The following FAM174B variants were observed in gnomAD, a reference collection of about 807,000 sequenced individuals.
FAM174B encodes family with sequence similarity 174 member B, also known as membrane protein FAM174B.
In FAM174B, 12 loss-of-function variants were observed where a neutral mutation model predicts 10.9. That is an observed-to-expected ratio of 1.10 (90% confidence interval 0.71 to 1.79). The LOEUF (loss-of-function observed/expected upper bound fraction) is 1.79, where lower values mean the gene tolerates loss of function less well. FAM174B is among the 40% of genes most tolerant of loss of function. The pLI, the probability that FAM174B is intolerant of heterozygous loss-of-function variation, is 0.00. For synonymous variants in FAM174B, 132 were observed against 115.8 expected (o/e 1.14, Z -0.90); for missense variants, 266 against 233.3 (o/e 1.14, Z -0.91).
chr15:92,618,571 G>T lies in FAM174B; in HGVS notation c.*885C>A, dbSNP rs1255840595. ...CCAAATCACCGTTCATTTTTAAAAT[G>T]GTTTTTAAAAATTACATTTCTAAGG... On this transcript the variant is annotated 3_prime_UTR_variant, in exon 3 of 3. Coordinates refer to ENST00000327355, the MANE Select transcript of FAM174B (RefSeq NM_207446.3). The T allele has an allele frequency of 6.5e-6, 1 of 152,678 alleles. No individual in the cohort carries two copies. The highest frequency in any genetic ancestry group is 1.5e-5 in the Non-Finnish European group (1 of 68,078). 9.5% of individuals were successfully genotyped at this position (152,678 alleles called of 1,614,324 possible).
intron 1 of FAM174B, among the ~76,000 whole-genome samples, chr15:92,648,880 T>G (rs144907128): frequency 1.6e-3 from 247 of 152,374 alleles, no homozygotes; most frequent in African/African-American, 5.6e-3. Flanking sequence ...ATAGTTTATT[T>G]TTTAAGTGAA....
chr15:92,635,195 ACACC>A, intron 1 of FAM174B, among the ~76,000 whole-genome samples: 1 of 147,336 alleles, frequency 6.8e-6, no homozygotes, highest in African/African-American at 2.5e-5. Context: ...ACACACACAC[ACACC>A]CTATTGATTC....
chr15:92,642,272 C>T (rs1389270683), intron 1 of FAM174B, among the ~76,000 whole-genome samples: 1 of 152,194 alleles, frequency 6.6e-6, no homozygotes, highest in Non-Finnish European at 1.5e-5. Flanking sequence ...AAAGGTTAAA[C>T]ATGGAGTTAT....
Position 92,645,281 on chromosome 15 carries a change from T to C in FAM174B, c.344+10035A>G, listed in dbSNP as rs146653036. ...CACCATCCCATTGGGGTTAACCAAG[T>C]GTTAGCACTGTTGGTTGACCCCAGG... On this transcript the variant is annotated intron_variant, in intron 1 of 2. Coordinates refer to ENST00000327355, the MANE Select transcript of FAM174B (RefSeq NM_207446.3). 2.4e-3 allele frequency among the ~76,000 whole-genome samples: 365 copies of C among 152,342 alleles called. 2 individuals are homozygous for C. The highest frequency in any genetic ancestry group is 0.018 in the Admixed American group (270 of 15,304).
chr15:92,632,637 G>A (rs1194723434), intron 1 of FAM174B, among the ~76,000 whole-genome samples: 1 of 151,970 alleles, frequency 6.6e-6, no homozygotes. Flanking sequence ...AGCCTCCTGA[G>A]AAGCTGGGAC....
chr15:92,622,130 C>T (rs1274787476), intron 2 of FAM174B, among the ~76,000 whole-genome samples: 1 of 152,216 alleles, frequency 6.6e-6, no homozygotes, highest in Non-Finnish European at 1.5e-5. Flanking sequence ...CTGAAATTCA[C>T]CTCCGTAAGT....
intron 2 of FAM174B, among the ~76,000 whole-genome samples, chr15:92,621,818 A>C (rs923303324): frequency 2.0e-5 from 3 of 151,866 alleles, no homozygotes; most frequent in African/African-American, 7.3e-5. Flanking sequence ...CCAAGCACTC[A>C]CACCCCCCAC....
At chr15:92,653,603 G>A (rs1486260127) in intron 1 of FAM174B, among the ~76,000 whole-genome samples, 1 of 152,272 alleles carries the variant, frequency 6.6e-6, no homozygotes, top group East Asian at 1.9e-4. Flanking sequence ...CCTCTGCTGA[G>A]TGCAGAAGCC....
At chr15:92,649,268 T>C (rs1390791099) in intron 1 of FAM174B, among the ~76,000 whole-genome samples, 1 of 152,218 alleles carries the variant, frequency 6.6e-6, no homozygotes, top group Non-Finnish European at 1.5e-5. Context: ...GGAATCCACG[T>C]CAGGTGCCAG....
At chr15:92,628,157 G>T (rs1476297061) in intron 2 of FAM174B, among the ~76,000 whole-genome samples, 1 of 144,370 alleles carries the variant, frequency 6.9e-6, no homozygotes, top group African/African-American at 2.5e-5. Flanking sequence ...TTGTTGTATT[G>T]TTTTTTTCCC....
rs187660207 is a variant in FAM174B at position 92,634,720 on chromosome 15, G to A, written c.345-4375C>T. 24 of 152,312 alleles carry A rather than the reference G, an allele frequency of 1.6e-4. No individual in the cohort carries two copies. The East Asian group carries it at 2.3e-3, about 15-fold the overall frequency. The allele number at this position is 152,312 out of a possible 1,614,324, so 9.4% of individuals were successfully genotyped here. A position where few individuals can be genotyped will look rare whatever the true frequency, so the allele number is the denominator to read the frequency against. The stretch of plus-strand genomic sequence containing the variant: ...TGAGTGGGCCACAGGGTGCCCAGAC[G>A]TTTGGTCACACTGTCTGCGAGGATG... On this transcript the variant is annotated intron_variant, in intron 1 of 2. Coordinates refer to ENST00000327355, the MANE Select transcript of FAM174B (RefSeq NM_207446.3).
rs1567044358 is a variant in FAM174B, at chr15:92,630,319, CG to C, written c.370del (p.Arg124AlafsTer18). 3 of 1,613,378 alleles carry C rather than the reference CG, an allele frequency of 1.9e-6. No homozygotes were observed. In the South Asian group the frequency reaches 3.3e-5, roughly 18 times the overall value. On this transcript the variant is annotated frameshift_variant, in exon 2 of 3. Transcript: ENST00000327355. LOFTEE classifies it high-confidence loss of function. ...TGGAGTGGTGATGATATCATACTTGCGTGTCTTCTTTAACCTCTTTCCCGAC... is the reference window on the plus strand; with the variant it reads ...TGGAGTGGTGATGATATCATACTTGCTGTCTTCTTTAACCTCTTTCCCGAC... ...FRSGKRLKKT[R>X]KYDIITTPAE...
intron 2 of FAM174B, among the ~76,000 whole-genome samples, chr15:92,623,680 C>A (rs2050734610): frequency 6.6e-6 from 1 of 152,200 alleles, no homozygotes; most frequent in South Asian, 2.1e-4. Context: ...CTCAGTGCAG[C>A]CGGCAAGGAC....
At chr15:92,646,898 A>G (rs1289487146) in intron 1 of FAM174B, among the ~76,000 whole-genome samples, 2 of 152,140 alleles carry the variant, frequency 1.3e-5, no homozygotes, top group Non-Finnish European at 2.9e-5. Flanking sequence ...CATGTATTTG[A>G]TATCTCATGT....
intron 1 of FAM174B, among the ~76,000 whole-genome samples, chr15:92,641,137 CAA>C (rs1019539831): frequency 1.3e-5 from 2 of 152,054 alleles, no homozygotes; most frequent in African/African-American, 4.8e-5. Flanking sequence ...ATCTCACTTT[CAA>C]TAAGATAAAT....
chr15:92,645,712 A>C (rs1439612492), intron 1 of FAM174B: 1 of 152,258 alleles, frequency 6.6e-6, no homozygotes, highest in Non-Finnish European at 1.5e-5. Flanking sequence ...CAGCGGCAAG[A>C]TGACCCAGAG....
At chr15:92,635,700 C>T (rs2050851546) in intron 1 of FAM174B, among the ~76,000 whole-genome samples, 1 of 151,884 alleles carries the variant, frequency 6.6e-6, no homozygotes. Context: ...CCCTGCTCAG[C>T]CTCCAGAGCA....
At chr15:92,639,404 G>A (rs1331154488) in intron 1 of FAM174B, among the ~76,000 whole-genome samples, 1 of 152,212 alleles carries the variant, frequency 6.6e-6, no homozygotes, top group Non-Finnish European at 1.5e-5. Context: ...GTAAGATACC[G>A]ACCAATTTCT....
chr15:92,637,214 C>T (rs1258593654), intron 1 of FAM174B, among the ~76,000 whole-genome samples: 1 of 152,230 alleles, frequency 6.6e-6, no homozygotes, highest in East Asian at 1.9e-4. Context: ...GAGCCAATGA[C>T]TCTCTGCTGT....
Sources: gnomAD v4.1 joint callset for allele counts (sites outside exome capture counted in the v4.1 genomes callset) on GRCh38, gnomAD v4.1.1 for gene constraint, MANE v1.5 for transcripts, NCBI Gene and HGNC (gene_info 2026-07-23, HGNC 2026-07-21) for gene names.